TBC1D14: variants seen among roughly 807,000 people sequenced by gnomAD.
TBC1D14 encodes the protein TBC1 domain family member 14.
A neutral mutation model predicts 79.0 loss-of-function variants in TBC1D14; 26 were observed. The observed-to-expected ratio is 0.33, with a 90% CI of 0.24 to 0.46. The LOEUF is 0.46. Ranked by LOEUF, TBC1D14 falls within the 20% of genes least tolerant of loss-of-function variation. The pLI is 1.00. For missense variants in TBC1D14, 769 were observed against 887.6 expected (o/e 0.87, Z 1.70); for synonymous variants, 394 against 349.9 (o/e 1.13, Z -1.40).
chr4:7,004,588 A>G (rs971505881), intron 7 of TBC1D14, among the ~76,000 whole-genome samples: 1 of 152,194 alleles, frequency 6.6e-6, no homozygotes, highest in African/African-American at 2.4e-5. Context: ...AAAACAAGGC[A>G]GTTTTGTGGG....
At chr4:6,959,369 T>G (rs879790749) in intron 2 of TBC1D14, among the ~76,000 whole-genome samples, 2 of 152,152 alleles carry the variant, frequency 1.3e-5, no homozygotes, top group Non-Finnish European at 2.9e-5. Context: ...GAAATGAGGC[T>G]CAGAAGCAGT....
At chr4:6,978,120 G>A (rs1716972387) in intron 3 of TBC1D14, among the ~76,000 whole-genome samples, 2 of 150,566 alleles carry the variant, frequency 1.3e-5, no homozygotes, top group Non-Finnish European at 3.0e-5. Context: ...GGGAGGTGGG[G>A]GGGTCAGCCC....
chr4:7,005,718 A>G (rs954710299), intron 8 of TBC1D14, among the ~76,000 whole-genome samples: 3 of 151,876 alleles, frequency 2.0e-5, no homozygotes, highest in Non-Finnish European at 4.4e-5. Context: ...AAAGAAATAG[A>G]ACATCCCAGT....
chr4:6,999,208 A>C lies in TBC1D14; in HGVS notation c.1163+6A>C. The stretch of plus-strand genomic sequence containing the variant: ...TTACCTAACTGGGAAACAATGTAAG[A>C]TGTGGCTCTGGGTGTGGCTGAACTG... On this transcript the variant is annotated splice_donor_region_variant and intron_variant, in intron 6 of 13. Transcript: ENST00000409757. The C allele has an allele frequency of 6.2e-7, 1 of 1,611,502 alleles. No individual in the cohort carries two copies. The highest frequency in any genetic ancestry group is 8.5e-7 in the Non-Finnish European group (1 of 1,177,732).
At chr4:6,930,217 C>T (rs1474566080) in intron 2 of TBC1D14, among the ~76,000 whole-genome samples, 2 of 152,156 alleles carry the variant, frequency 1.3e-5, no homozygotes, top group Non-Finnish European at 2.9e-5. Flanking sequence ...GGTGGGAAGA[C>T]GGTTGGAGAA....
At position 7,004,900 on chromosome 4, in the gene TBC1D14, G is replaced by C; in HGVS notation, c.1327G>C (p.Gly443Arg). ...GGAGAGGTGGCGGTCCCTTAGCACA[G>C]GAGGCTCTGAAGTGGAGAACGAAGG... ...AKERWRSLST[G>R]GSEVENEDAG... Residue 443 changes from glycine (G) to arginine (R), a missense_variant, in exon 8 of 14, where the codon GGA becomes CGA. Physicochemically the swap from Gly to Arg is moderately radical, Grantham distance 125. Transcript: ENST00000409757. The C allele has an allele frequency of 6.2e-7, 1 of 1,614,124 alleles. No individual in the cohort carries two copies. Among genetic ancestry groups the C allele is most frequent in the Non-Finnish European group, 8.5e-7 (1 of 1,180,008 alleles).
chr4:6,933,403 C>G (rs1405894932), intron 2 of TBC1D14, among the ~76,000 whole-genome samples: 1 of 150,744 alleles, frequency 6.6e-6, no homozygotes, highest in Non-Finnish European at 1.5e-5. Flanking sequence ...CTCCCAGGCT[C>G]AAGCCATCCT....
At chr4:6,954,043 C>T (rs867541659) in intron 2 of TBC1D14, among the ~76,000 whole-genome samples, 3 of 152,216 alleles carry the variant, frequency 2.0e-5, no homozygotes, top group Admixed American at 2.0e-4. Flanking sequence ...GCCCGAGAAC[C>T]CGTCACTCAG....
intron 3 of TBC1D14, among the ~76,000 whole-genome samples, chr4:6,978,127 G>A (rs1283181901): frequency 2.0e-5 from 3 of 148,732 alleles, no homozygotes; most frequent in African/African-American, 5.0e-5. Flanking sequence ...GGGGGGGTCA[G>A]CCCCCCGCCC....
chr4:6,994,393 A>G, intron 4 of TBC1D14, 91 bp downstream of exon 4: 6 of 1,090,866 alleles, frequency 5.5e-6, no homozygotes, highest in Non-Finnish European at 4.2e-6. Flanking sequence ...AACTAGGGTC[A>G]GAAAAGGGGA....
rs373425730 is a variant in TBC1D14 at position 7,032,970 on chromosome 4, ACTC to A, written c.*2581_*2583del. 2.0e-5 allele frequency: 3 copies of A among 152,320 alleles called. No individual in the cohort carries two copies. Among genetic ancestry groups the A allele is most frequent in the African/African-American group, 7.3e-5 (3 of 41,294 alleles). The allele number at this position is 152,320 out of a possible 1,614,324, so 9.4% of individuals were successfully genotyped here. A position where few individuals can be genotyped will look rare whatever the true frequency, so the allele number is the denominator to read the frequency against. On this transcript the variant is annotated 3_prime_UTR_variant, in exon 14 of 14. Coordinates refer to ENST00000409757, the MANE Select transcript of TBC1D14 (RefSeq NM_020773.3). Reference sequence around the variant, plus strand: ...GACTATTTTAAATAGTTTGCTGAAAACTCCTGATAACACTTGCTACATATCATG... The same window carrying A: ...GACTATTTTAAATAGTTTGCTGAAAACTGATAACACTTGCTACATATCATG...
At chr4:6,911,660 A>G (rs1486793738) in intron 1 of TBC1D14, among the ~76,000 whole-genome samples, 4 of 152,066 alleles carry the variant, frequency 2.6e-5, no homozygotes, top group Admixed American at 2.6e-4. Flanking sequence ...CCTGTCTTTC[A>G]TGCCTCCACC....
intron 12 of TBC1D14, among the ~76,000 whole-genome samples, chr4:7,017,008 A>C (rs1721355665): frequency 6.6e-6 from 1 of 152,196 alleles, no homozygotes. Flanking sequence ...AGAGGAAAAA[A>C]ACAGGCTCAG....
At chr4:6,982,003 G>A (rs1347718563) in intron 3 of TBC1D14, among the ~76,000 whole-genome samples, 1 of 152,138 alleles carries the variant, frequency 6.6e-6, no homozygotes, top group African/African-American at 2.4e-5. Flanking sequence ...ACATTGTATC[G>A]GAAGTCCTAG....
intron 2 of TBC1D14, among the ~76,000 whole-genome samples, chr4:6,966,557 G>A (rs1715714130): frequency 6.6e-6 from 1 of 152,320 alleles, no homozygotes; most frequent in Non-Finnish European, 1.5e-5. Flanking sequence ...AACACTAATT[G>A]TGTACTTGAA....
intron 2 of TBC1D14, among the ~76,000 whole-genome samples, chr4:6,965,855 C>T (rs1715655869): frequency 6.6e-6 from 1 of 152,200 alleles, no homozygotes; most frequent in Non-Finnish European, 1.5e-5. Flanking sequence ...AGGTGTGTCC[C>T]TCAGGTTTCT....
intron 11 of TBC1D14, among the ~76,000 whole-genome samples, chr4:7,013,917 G>A (rs1260261725): frequency 4.6e-5 from 7 of 151,976 alleles, no homozygotes; most frequent in Non-Finnish European, 8.8e-5. Context: ...CTAATTTTTC[G>A]TTTTCGTATT....
intron 1 of TBC1D14, among the ~76,000 whole-genome samples, chr4:6,915,579 C>T (rs575237422): frequency 6.6e-6 from 1 of 152,264 alleles, no homozygotes; most frequent in East Asian, 1.9e-4. Flanking sequence ...CCTCGGTTTC[C>T]TCCTCTGGGT....
At chr4:6,998,265 C>A (rs1719272897) in intron 5 of TBC1D14, among the ~76,000 whole-genome samples, 1 of 151,312 alleles carries the variant, frequency 6.6e-6, no homozygotes. Context: ...GAGGCTAAGG[C>A]AGGAGAATTG....
Sources: allele counts gnomAD v4.1 joint callset (sites outside exome capture counted in the v4.1 genomes callset), GRCh38; gene constraint gnomAD v4.1.1; transcripts MANE v1.5; gene names NCBI Gene and HGNC (gene_info 2026-07-23, HGNC 2026-07-21).